FAM135A: variants seen among roughly 807,000 people sequenced by gnomAD.
The protein encoded by FAM135A is family with sequence similarity 135 member A, also known as protein FAM135A.
In FAM135A, 79 loss-of-function variants were observed where a neutral mutation model predicts 146.8. The ratio of observed to expected loss-of-function variants is 0.54; its 90% CI spans 0.45 to 0.65. FAM135A has a LOEUF of 0.65. FAM135A is among the 30% of genes least tolerant of loss of function. The pLI is 0.00. For missense variants in FAM135A, 1,623 were observed against 1,758.2 expected (o/e 0.92, Z 1.38); for synonymous variants, 562 against 603.6 (o/e 0.93, Z 1.01).
rs368205207 is a variant in FAM135A, at chr6:70,448,133, T to G, written c.78-4359T>G. Among the ~76,000 whole-genome samples the G allele has an allele frequency of 2.0e-5, 3 of 152,302 alleles. No individual in the cohort carries two copies. The East Asian group carries it at 5.8e-4, about 29-fold the overall frequency. On this transcript the variant is annotated intron_variant, in intron 4 of 21. Transcript: ENST00000418814. ...AACTAAGAGCGGTTATTCAAGGCGC[T>G]GCTTGAACAGTCACTGAGGCAACTA... is the stretch of plus-strand genomic sequence containing the variant.
At chr6:70,528,478 C>A in intron 16 of FAM135A, 26 bp downstream of exon 16, 1 of 1,466,412 alleles carries the variant, frequency 6.8e-7, no homozygotes. Flanking sequence ...GGATGTAACC[C>A]AGAGCAACTC....
intron 21 of FAM135A, chr6:70,557,363 G>C: frequency 6.3e-6 from 1 of 158,962 alleles, no homozygotes; most frequent in Non-Finnish European, 1.4e-5. Context: ...GAGATACTAA[G>C]TGGCTTAGCC....
intron 5 of FAM135A, among the ~76,000 whole-genome samples, chr6:70,459,917 G>T (rs1050085707): frequency 1.1e-4 from 17 of 152,060 alleles, no homozygotes; most frequent in African/African-American, 4.1e-4. Context: ...TGTAATTCCC[G>T]CTACTTGGGA....
intron 2 of FAM135A, among the ~76,000 whole-genome samples, chr6:70,424,807 C>T (rs569509348): frequency 2.6e-5 from 4 of 152,202 alleles, no homozygotes; most frequent in South Asian, 2.1e-4. Context: ...TTTTTATGGG[C>T]ACTAGTTTTG....
At chr6:70,427,715 G>T (rs1364800158) in intron 3 of FAM135A, among the ~76,000 whole-genome samples, 3 of 152,110 alleles carry the variant, frequency 2.0e-5, no homozygotes, top group Non-Finnish European at 4.4e-5. Flanking sequence ...GGATGGAATT[G>T]TGAATGTTTT....
At chr6:70,450,084 T>C (rs1776695795) in intron 4 of FAM135A, among the ~76,000 whole-genome samples, 1 of 152,258 alleles carries the variant, frequency 6.6e-6, no homozygotes, top group Non-Finnish European at 1.5e-5. Context: ...TCATGCACTT[T>C]GCCCATTTTT....
intron 4 of FAM135A, among the ~76,000 whole-genome samples, chr6:70,447,539 A>G (rs1284673075): frequency 6.6e-6 from 1 of 152,192 alleles, no homozygotes; most frequent in African/African-American, 2.4e-5. Flanking sequence ...GAAGGCTCAC[A>G]GCTTTTGTGC....
chr6:70,488,476 C>A (rs898725162), intron 10 of FAM135A, among the ~76,000 whole-genome samples: 1 of 132,170 alleles, frequency 7.6e-6, no homozygotes, highest in Non-Finnish European at 1.6e-5. Flanking sequence ...CCCCCCCCCC[C>A]AGAAATATAT....
chr6:70,431,129 C>T (rs1022881354), intron 4 of FAM135A, among the ~76,000 whole-genome samples: 1 of 152,092 alleles, frequency 6.6e-6, no homozygotes, highest in Non-Finnish European at 1.5e-5. Context: ...ATTAATGCCA[C>T]TTATTTTAAG....
At chr6:70,468,667 TA>T (rs1398436642) in intron 5 of FAM135A, among the ~76,000 whole-genome samples, 1 of 152,216 alleles carries the variant, frequency 6.6e-6, no homozygotes, top group Non-Finnish European at 1.5e-5. Flanking sequence ...TGGTAAAATC[TA>T]AGATTTTACA....
At chr6:70,512,179 A>C (rs540888935) in intron 12 of FAM135A, among the ~76,000 whole-genome samples, 1 of 152,018 alleles carries the variant, frequency 6.6e-6, no homozygotes, top group East Asian at 1.9e-4. Flanking sequence ...CATTTACTTC[A>C]GTCAACATAA....
rs73485141 is a variant in FAM135A at position 70,530,070 on chromosome 6, A to G, written c.3775+1618A>G. Among the ~76,000 whole-genome samples the G allele has an allele frequency of 4.1e-3, 620 of 152,278 alleles. 2 individuals are homozygous for G. Among genetic ancestry groups the G allele is most frequent in the African/African-American group, 0.014 (599 of 41,544 alleles). On this transcript the variant is annotated intron_variant, in intron 16 of 21. Coordinates refer to ENST00000418814, the MANE Select transcript of FAM135A (RefSeq NM_001162529.3). ...CAGACTAAGACTACGTCTCAAAAAAAAAAATAATAATAATGAATTCAAATA... is the reference window on the plus strand; with the variant it reads ...CAGACTAAGACTACGTCTCAAAAAAGAAAATAATAATAATGAATTCAAATA...
At chr6:70,468,593 G>A (rs911366808) in intron 5 of FAM135A, among the ~76,000 whole-genome samples, 2 of 152,162 alleles carry the variant, frequency 1.3e-5, no homozygotes, top group Non-Finnish European at 2.9e-5. Context: ...TTTGACCCAA[G>A]AGTCTTGTGT....
At chr6:70,517,263 G>T (rs967986539) in intron 12 of FAM135A, among the ~76,000 whole-genome samples, 1 of 152,088 alleles carries the variant, frequency 6.6e-6, no homozygotes, top group South Asian at 2.1e-4. Context: ...GGGGATGGTG[G>T]CTTATGCCAA....
intron 2 of FAM135A, among the ~76,000 whole-genome samples, chr6:70,420,420 A>G (rs981337199): frequency 2.0e-5 from 3 of 152,222 alleles, no homozygotes; most frequent in African/African-American, 7.2e-5. Flanking sequence ...CTATTGTTTT[A>G]GGATCACTGT....
chr6:70,455,816 A>G (rs1778242615), intron 5 of FAM135A, among the ~76,000 whole-genome samples: 1 of 135,062 alleles, frequency 7.4e-6, no homozygotes, highest in South Asian at 2.1e-4. Flanking sequence ...GTTCCTTATT[A>G]TTAAAGTTTC....
At chr6:70,445,860 G>T (rs1414749108) in intron 4 of FAM135A, among the ~76,000 whole-genome samples, 4 of 152,158 alleles carry the variant, frequency 2.6e-5, no homozygotes, top group Non-Finnish European at 4.4e-5. Context: ...GGGGGGGGCT[G>T]TTCCCAACAT....
chr6:70,444,672 C>T (rs149564195), intron 4 of FAM135A, among the ~76,000 whole-genome samples: 1 of 152,282 alleles, frequency 6.6e-6, no homozygotes, highest in African/African-American at 2.4e-5. Context: ...AGACTGCTTT[C>T]ATAAATATCA....
chr6:70,438,645 A>C (rs1416609169), intron 4 of FAM135A, among the ~76,000 whole-genome samples: 1 of 152,186 alleles, frequency 6.6e-6, no homozygotes, highest in Non-Finnish European at 1.5e-5. Flanking sequence ...GTTGCTGACA[A>C]TTTGGATTCA....
Sources: allele counts gnomAD v4.1 joint callset (sites outside exome capture counted in the v4.1 genomes callset), GRCh38; gene constraint gnomAD v4.1.1; transcripts MANE v1.5; gene names NCBI Gene and HGNC (gene_info 2026-07-23, HGNC 2026-07-21).